The following UCK2 variants were observed in gnomAD, a reference collection of about 807,000 sequenced individuals.
UCK2 encodes the protein cytidine monophosphokinase 2.
Under a neutral mutation model 30.8 loss-of-function variants are expected in UCK2, and 6 were observed. That is an observed-to-expected ratio of 0.19 (90% CI 0.11 to 0.38). The LOEUF (loss-of-function observed/expected upper bound fraction) is 0.38. UCK2 is among the 10% of genes least tolerant of loss of function. The probability of loss-of-function intolerance (pLI) is 1.00; values close to 1 mark genes in which losing one functional copy is unlikely to be tolerated. For synonymous variants in UCK2, 125 were observed against 133.6 expected (o/e 0.94, Z 0.45); for missense variants, 210 against 339.8 (o/e 0.62, Z 3.00).
intron 1 of UCK2, among the ~76,000 whole-genome samples, chr1:165,857,404 T>C (rs180903032): frequency 3.9e-5 from 6 of 152,330 alleles, no homozygotes; most frequent in Admixed American, 3.3e-4. Flanking sequence ...GACAGATAAC[T>C]GACATAACCC....
chr1:165,872,734 G>A (rs1655225946), intron 1 of UCK2, among the ~76,000 whole-genome samples: 1 of 152,218 alleles, frequency 6.6e-6, no homozygotes, highest in Non-Finnish European at 1.5e-5. Flanking sequence ...AGTATTGACA[G>A]TATAATCTTT....
intron 1 of UCK2, among the ~76,000 whole-genome samples, chr1:165,854,472 A>G (rs377453556): frequency 1.3e-5 from 2 of 152,282 alleles, no homozygotes; most frequent in Non-Finnish European, 2.9e-5. Context: ...GCAGAGAACC[A>G]ACATGTAGCA....
chr1:165,851,888 C>T (rs1654606641), intron 1 of UCK2, among the ~76,000 whole-genome samples: 1 of 152,182 alleles, frequency 6.6e-6, no homozygotes, highest in Non-Finnish European at 1.5e-5. Flanking sequence ...TGATGGCTTC[C>T]AGCTTCACCC....
chr1:165,888,642 CTTTTTTTTTTTT>C (rs60874109), intron 1 of UCK2, among the ~76,000 whole-genome samples: 39 of 71,024 alleles, frequency 5.5e-4, no homozygotes, highest in African/African-American at 1.4e-3. Flanking sequence ...CTTTCTTCTT[CTTTTTTTTTTTT>C]TTTTTTTTTT....
chr1:165,839,076 G>C (rs1287057981), intron 1 of UCK2, among the ~76,000 whole-genome samples: 1 of 151,940 alleles, frequency 6.6e-6, no homozygotes, highest in African/African-American at 2.4e-5. Context: ...AAATCAGAGA[G>C]TGACTTTAAC....
chr1:165,870,062 A>G (rs1017679981), intron 1 of UCK2, among the ~76,000 whole-genome samples: 1 of 152,008 alleles, frequency 6.6e-6, no homozygotes, highest in South Asian at 2.1e-4. Context: ...AAAGTGCTTT[A>G]TTTTTATATT....
chr1:165,874,547 G>A (rs910005386), intron 1 of UCK2, among the ~76,000 whole-genome samples: 12 of 152,180 alleles, frequency 7.9e-5, no homozygotes, highest in African/African-American at 2.9e-4. Flanking sequence ...GATAGGGCAG[G>A]GATTTGGATG....
intron 1 of UCK2, among the ~76,000 whole-genome samples, chr1:165,880,564 GGGGT>G (rs58028813): frequency 0.2 from 19,492 of 99,840 alleles, 1,568 homozygotes; most frequent in African/African-American, 0.24. Context: ...GTTTTTTTTG[GGGGT>G]GTGTGTGTGT....
chr1:165,865,653 T>C (rs1224679701), intron 1 of UCK2, among the ~76,000 whole-genome samples: 1 of 152,098 alleles, frequency 6.6e-6, no homozygotes, highest in Non-Finnish European at 1.5e-5. Context: ...TCCATTCCGT[T>C]GCACTAGGAC....
chr1:165,867,840 C>T (rs2101868651), intron 1 of UCK2, among the ~76,000 whole-genome samples: 1 of 152,328 alleles, frequency 6.6e-6, no homozygotes, highest in South Asian at 2.1e-4. Context: ...TTTTCACCTC[C>T]TCCAATGAAT....
intron 1 of UCK2, among the ~76,000 whole-genome samples, chr1:165,847,223 A>T (rs1214280218): frequency 1.3e-5 from 2 of 152,226 alleles, no homozygotes. Flanking sequence ...CTGTGTGTCA[A>T]TTTTCCTCAT....
intron 1 of UCK2, among the ~76,000 whole-genome samples, chr1:165,860,447 G>C (rs561945435): frequency 6.7e-6 from 1 of 149,176 alleles, no homozygotes; most frequent in Non-Finnish European, 1.5e-5. Context: ...TTTTTTTTTT[G>C]AGACAGGGTC....
chr1:165,885,256 G>T, intron 1 of UCK2: 1 of 394,928 alleles, frequency 2.5e-6, no homozygotes, highest in South Asian at 1.3e-4. Flanking sequence ...ACTCAGCTTT[G>T]GGACTGAGCA....
chr1:165,869,307 A>G (rs1655132192), intron 1 of UCK2, among the ~76,000 whole-genome samples: 1 of 152,228 alleles, frequency 6.6e-6, no homozygotes, highest in Non-Finnish European at 1.5e-5. Context: ...AATGGTATTA[A>G]CAAGACTTGC....
intron 1 of UCK2, among the ~76,000 whole-genome samples, chr1:165,858,417 AGTC>A (rs1654808067): frequency 6.6e-6 from 1 of 152,204 alleles, no homozygotes. Context: ...TGTGGTTCCC[AGTC>A]CACCCCCTTG....
chr1:165,839,165 TTTGA>T (rs1363224754), intron 1 of UCK2, among the ~76,000 whole-genome samples: 2 of 152,234 alleles, frequency 1.3e-5, no homozygotes, highest in Non-Finnish European at 2.9e-5. Flanking sequence ...ATGCTTTTTT[TTTGA>T]TTGAGGTAAG....
intron 1 of UCK2, among the ~76,000 whole-genome samples, chr1:165,846,632 T>C (rs1270105650): frequency 1.3e-5 from 2 of 152,192 alleles, no homozygotes; most frequent in African/African-American, 2.4e-5. Context: ...TAGTTAAGTG[T>C]GCATTTCACA....
chr1:165,849,030 G>C (rs1443564758), intron 1 of UCK2, among the ~76,000 whole-genome samples: 1 of 152,108 alleles, frequency 6.6e-6, no homozygotes, highest in Non-Finnish European at 1.5e-5. Flanking sequence ...GAGGTGGGAG[G>C]GTTGCTTGAG....
chr1:165,907,766 C>A lies in UCK2; in HGVS notation c.729C>A (p.Asn243Lys). ...AACGGCAGACCAATGGCTGTCTCAA[C>A]GGCTACACCCCTTCACGCAAGAGGC... ...PSKRQTNGCL[N>K]GYTPSRKRQA... Residue 243 changes from asparagine (N) to lysine (K), a missense_variant, in exon 7 of 7, where the codon AAC becomes AAA. By Grantham distance (94) the Asn-to-Lys change is moderately conservative. Transcript: ENST00000367879. The A allele has an allele frequency of 6.2e-7, 1 of 1,614,176 alleles. No homozygotes were observed. Among genetic ancestry groups the A allele is most frequent in the Non-Finnish European group, 8.5e-7 (1 of 1,180,032 alleles).
Sources: allele counts gnomAD v4.1 joint callset (sites outside exome capture counted in the v4.1 genomes callset), GRCh38; gene constraint gnomAD v4.1.1; transcripts MANE v1.5; gene names NCBI Gene and HGNC (gene_info 2026-07-23, HGNC 2026-07-21).